The following MINDY3 variants were observed in gnomAD, a reference collection of about 807,000 sequenced individuals.
MINDY3 encodes ubiquitin carboxyl-terminal hydrolase MINDY-3.
In MINDY3, 38 loss-of-function variants were observed where a neutral mutation model predicts 69.2. That is an observed-to-expected ratio of 0.55 (90% CI 0.42 to 0.72). MINDY3 has a LOEUF of 0.72. Ranked by LOEUF, MINDY3 falls within the 30% of genes least tolerant of loss-of-function variation. The pLI is 0.00. For missense variants in MINDY3, 522 were observed against 519.0 expected, an observed-to-expected ratio of 1.01 and a Z score of -0.06; for synonymous variants, 192 against 180.1, an observed-to-expected ratio of 1.07 and a Z score of -0.53.
intron 12 of MINDY3, among the ~76,000 whole-genome samples, chr10:15,787,524 T>G (rs1390379947): frequency 6.6e-6 from 1 of 152,160 alleles, no homozygotes; most frequent in Non-Finnish European, 1.5e-5. Context: ...ACTTCTCTCC[T>G]TTCAGTTTGC....
intron 2 of MINDY3, among the ~76,000 whole-genome samples, chr10:15,846,348 A>G (rs1833842991): frequency 6.6e-6 from 1 of 152,192 alleles, no homozygotes; most frequent in Non-Finnish European, 1.5e-5. Context: ...CAGTATTTAT[A>G]TAATCTAATT....
chr10:15,797,418 T>C (rs1157925195), intron 10 of MINDY3, among the ~76,000 whole-genome samples: 1 of 152,164 alleles, frequency 6.6e-6, no homozygotes, highest in Non-Finnish European at 1.5e-5. Flanking sequence ...TTCACTGCAT[T>C]TCCAACATTA....
At chr10:15,796,308 C>A in intron 10 of MINDY3, 136 bp from the exon 11 acceptor site, 2 of 675,016 alleles carry the variant, frequency 3.0e-6, no homozygotes, top group Non-Finnish European at 2.6e-6. Context: ...AGATGTGTAA[C>A]GAGATAGGTC....
chr10:15,798,464 G>GTTTTTT (rs35810825), intron 10 of MINDY3, among the ~76,000 whole-genome samples: 1 of 141,772 alleles, frequency 7.1e-6, no homozygotes, highest in Admixed American at 7.1e-5. Context: ...AGTGCCAAGT[G>GTTTTTT]TTTTTTTTTT....
intron 10 of MINDY3, among the ~76,000 whole-genome samples, chr10:15,802,029 C>A (rs1308004166): frequency 1.3e-5 from 2 of 150,194 alleles, no homozygotes; most frequent in African/African-American, 2.5e-5. Flanking sequence ...TTAACATATT[C>A]TTTTCTCCGG....
intron 8 of MINDY3, among the ~76,000 whole-genome samples, chr10:15,822,977 T>C (rs1234355424): frequency 6.6e-6 from 1 of 152,204 alleles, no homozygotes; most frequent in Non-Finnish European, 1.5e-5. Flanking sequence ...ATAATGCATA[T>C]ATAATTTTGC....
intron 8 of MINDY3, among the ~76,000 whole-genome samples, chr10:15,832,199 T>C (rs1355751201): frequency 6.6e-6 from 1 of 151,926 alleles, no homozygotes; most frequent in African/African-American, 2.4e-5. Context: ...CTAAAGACAG[T>C]GTGGGAAGGG....
At chr10:15,859,195 G>C (rs183258801) in intron 1 of MINDY3, among the ~76,000 whole-genome samples, 6 of 152,244 alleles carry the variant, frequency 3.9e-5, no homozygotes, top group Admixed American at 2.0e-4. Flanking sequence ...GAGGGAGGGA[G>C]AGATTACGTA....
chr10:15,827,823 G>A (rs183631664), intron 8 of MINDY3, among the ~76,000 whole-genome samples: 2 of 152,234 alleles, frequency 1.3e-5, no homozygotes, highest in East Asian at 1.9e-4. Flanking sequence ...CAGGCTCAAT[G>A]AGCACCAGAG....
At chr10:15,820,172 C>T (rs981021685) in intron 9 of MINDY3, among the ~76,000 whole-genome samples, 2 of 152,124 alleles carry the variant, frequency 1.3e-5, no homozygotes, top group Non-Finnish European at 2.9e-5. Flanking sequence ...AGAAAAAAGT[C>T]TCTGAGGTAC....
At chr10:15,801,727 G>A (rs1451801840) in intron 10 of MINDY3, among the ~76,000 whole-genome samples, 1 of 152,062 alleles carries the variant, frequency 6.6e-6, no homozygotes, top group Admixed American at 6.6e-5. Context: ...CAGTACTGAA[G>A]AGGCCATCAC....
At chr10:15,855,525 A>T (rs948637454) in intron 1 of MINDY3, among the ~76,000 whole-genome samples, 1 of 152,134 alleles carries the variant, frequency 6.6e-6, no homozygotes. Context: ...ACAATTTTGT[A>T]TCACATTACA....
At chr10:15,810,809 A>G (rs1268834488) in intron 10 of MINDY3, among the ~76,000 whole-genome samples, 1 of 152,214 alleles carries the variant, frequency 6.6e-6, no homozygotes, top group African/African-American at 2.4e-5. Context: ...GGACGAATCT[A>G]GTACCCAGAA....
intron 10 of MINDY3, among the ~76,000 whole-genome samples, chr10:15,802,795 CTG>C (rs1004680718): frequency 1.8e-4 from 28 of 151,896 alleles, no homozygotes; most frequent in African/African-American, 6.8e-4. Flanking sequence ...ATACAACAAA[CTG>C]TGTCTTGAAC....
At chr10:15,818,774 T>C (rs1331212991) in intron 9 of MINDY3, among the ~76,000 whole-genome samples, 1 of 152,184 alleles carries the variant, frequency 6.6e-6, no homozygotes, top group Non-Finnish European at 1.5e-5. Flanking sequence ...GTATGAAATG[T>C]ACAAAAGAGG....
At chr10:15,802,855 A>G (rs1438221868) in intron 10 of MINDY3, among the ~76,000 whole-genome samples, 1 of 152,142 alleles carries the variant, frequency 6.6e-6, no homozygotes, top group East Asian at 1.9e-4. Flanking sequence ...TCAGTCATAT[A>G]CTACTAACAG....
At chr10:15,810,556 T>G (rs1013197358) in intron 10 of MINDY3, among the ~76,000 whole-genome samples, 1 of 152,194 alleles carries the variant, frequency 6.6e-6, no homozygotes, top group Admixed American at 6.5e-5. Flanking sequence ...TTCAGCCATC[T>G]TAAGCACACC....
In MINDY3 at chr10:15,840,675, C is replaced by T. The variant is rs540493227; in HGVS notation, c.409+751G>A. Reference sequence around the variant, plus strand: ...ATTTAACATAAGCACTTGGGACTACCAATTATAAAAAACCATCAACTAGCA... The same window carrying T: ...ATTTAACATAAGCACTTGGGACTACTAATTATAAAAAACCATCAACTAGCA... On this transcript the variant is annotated intron_variant, in intron 4 of 14. Coordinates refer to ENST00000277632, the MANE Select transcript of MINDY3 (RefSeq NM_024948.4). Among the ~76,000 whole-genome samples, 5 of 151,478 alleles carry T rather than the reference C, an allele frequency of 3.3e-5. No homozygotes were observed. The East Asian group carries it at 9.7e-4, about 29-fold the overall frequency.
At chr10:15,788,981 A>AACTTTTTAAAGTTTATAGAAAGAC in intron 12 of MINDY3, 1 of 284,540 alleles carries the variant, frequency 3.5e-6, no homozygotes, top group Non-Finnish European at 6.7e-6. Context: ...TTTGCAGAGA[A>AACTTTTTAAAGTTTATAGAAAGAC]ACTTTTTAAA....
Sources: allele counts gnomAD v4.1 joint callset (sites outside exome capture counted in the v4.1 genomes callset), GRCh38; gene constraint gnomAD v4.1.1; transcripts MANE v1.5; gene names NCBI Gene and HGNC (gene_info 2026-07-23, HGNC 2026-07-21).